The following MPRIP variants were observed in gnomAD, a reference collection of about 807,000 sequenced individuals.
The protein encoded by MPRIP is myosin phosphatase Rho interacting protein.
MPRIP carries 59 observed loss-of-function variants against 234.9 expected under a neutral mutation model. The ratio of observed to expected loss-of-function variants is 0.25; its 90% CI spans 0.20 to 0.31. The LOEUF (loss-of-function observed/expected upper bound fraction) is 0.31. MPRIP is among the 10% of genes least tolerant of loss of function. The probability of loss-of-function intolerance (pLI) is 1.00; values close to 1 mark genes in which losing one functional copy is unlikely to be tolerated. For synonymous variants in MPRIP, 1,144 were observed against 1,263.9 expected, an observed-to-expected ratio of 0.91 and a Z score of 2.01; for missense variants, 2,436 against 3,071.0, an observed-to-expected ratio of 0.79 and a Z score of 4.89.
At chr17:17,168,520 A>G in intron 16 of MPRIP, 1 of 310,196 alleles carries the variant, frequency 3.2e-6, no homozygotes, top group Non-Finnish European at 6.3e-6. Flanking sequence ...CAGGACCTTT[A>G]CAAGTAGATT....
At chr17:17,057,445 A>C (rs757359729) in intron 1 of MPRIP, among the ~76,000 whole-genome samples, 4 of 152,168 alleles carry the variant, frequency 2.6e-5, no homozygotes, top group Non-Finnish European at 5.9e-5. Flanking sequence ...GCTGTGGGGC[A>C]TGGGAGCTGA....
chr17:17,085,890 G>A (rs1207322087), intron 3 of MPRIP, among the ~76,000 whole-genome samples: 1 of 152,170 alleles, frequency 6.6e-6, no homozygotes, highest in East Asian at 1.9e-4. Context: ...TCCAGCCTGG[G>A]CAGCAGAGTG....
intron 3 of MPRIP, among the ~76,000 whole-genome samples, chr17:17,089,911 G>C (rs2089676000): frequency 6.6e-6 from 1 of 152,194 alleles, no homozygotes; most frequent in South Asian, 2.1e-4. Context: ...GGGCAGTGTG[G>C]AGCCTGGCAC....
intron 1 of MPRIP, among the ~76,000 whole-genome samples, chr17:17,074,589 A>G (rs1445290941): frequency 6.6e-6 from 1 of 152,204 alleles, no homozygotes; most frequent in Non-Finnish European, 1.5e-5. Context: ...TAATTCTAGA[A>G]TATTTTAGTC....
chr17:17,121,073 G>A (rs1032724074), intron 3 of MPRIP, among the ~76,000 whole-genome samples: 1 of 152,196 alleles, frequency 6.6e-6, no homozygotes, highest in African/African-American at 2.4e-5. Flanking sequence ...TTTGAATCCT[G>A]ACATGGCTAC....
chr17:17,187,062 C>T lies in MPRIP; in HGVS notation c.*2168C>T, dbSNP rs1323102185. The T allele has an allele frequency of 6.6e-6, 1 of 152,308 alleles. No homozygotes were observed. Among genetic ancestry groups the T allele is most frequent in the Non-Finnish European group, 1.5e-5 (1 of 68,120 alleles). The allele number at this position is 152,308 out of a possible 1,614,324, so 9.4% of individuals were successfully genotyped here. A position where few individuals can be genotyped will look rare whatever the true frequency, so the allele number is the denominator to read the frequency against. On this transcript the variant is annotated 3_prime_UTR_variant, in exon 24 of 24. Transcript: ENST00000651222. ...GCCCCTGGGGGTGGACCCCACTGGC[C>T]CTTCTGCAGACAGCTCCCTGCCTTC...
chr17:17,069,547 T>A (rs1218547070), intron 1 of MPRIP, among the ~76,000 whole-genome samples: 3 of 152,086 alleles, frequency 2.0e-5, no homozygotes, highest in Admixed American at 2.0e-4. Context: ...TATTTTGATT[T>A]ATATATCAAA....
In MPRIP at chr17:17,165,601, G is replaced by A; in HGVS notation, c.4010G>A (p.Gly1337Glu). ...TGCCAAAGATACATTCACCCCGAAG[G>A]GTCTGAGAAGACCTGGACCAGCAGC... is the stretch of plus-strand genomic sequence containing the variant. ...IQCQRYIHPE[G>E]SEKTWTSSTS... Residue 1337 changes from glycine to glutamate, a missense_variant, in exon 16 of 24, where the codon GGG (glycine) becomes GAG (glutamate). Gly to Glu is a moderately conservative substitution (Grantham distance 98). This residue lies in a region of MPRIP where 1,998 missense variants were observed against 2,520.3 expected (regional missense o/e 0.79). Coordinates refer to ENST00000651222, the MANE Select transcript of MPRIP (RefSeq NM_001364716.4). 7.7e-7 allele frequency: 1 copy of A among 1,304,848 alleles called. No individual in the cohort carries two copies. Among genetic ancestry groups the A allele is most frequent in the Non-Finnish European group, 1.0e-6 (1 of 989,060 alleles). 80.8% of individuals were successfully genotyped at this position (1,304,848 alleles called of 1,614,324 possible). A position where few individuals can be genotyped will look rare whatever the true frequency, so the allele number is the denominator to read the frequency against.
intron 5 of MPRIP, among the ~76,000 whole-genome samples, chr17:17,132,180 G>T (rs1302339504): frequency 6.6e-6 from 1 of 152,140 alleles, no homozygotes; most frequent in East Asian, 1.9e-4. Flanking sequence ...GCTGACTGGG[G>T]TGGTCCCTCA....
chr17:17,065,360 T>C (rs1356800772), intron 1 of MPRIP, among the ~76,000 whole-genome samples: 1 of 150,902 alleles, frequency 6.6e-6, no homozygotes, highest in Non-Finnish European at 1.5e-5. Flanking sequence ...ATAACACTAC[T>C]TTCTGTATCA....
rs1597495871 is a variant in MPRIP, at chr17:17,166,894, C to G, written c.5303C>G (p.Ser1768Cys). 1 of 1,304,092 alleles carries G rather than the reference C, an allele frequency of 7.7e-7. No homozygotes were observed. Among genetic ancestry groups the G allele is most frequent in the Non-Finnish European group, 1.0e-6 (1 of 988,976 alleles). 80.8% of individuals were successfully genotyped at this position (1,304,092 alleles called of 1,614,324 possible). A position where few individuals can be genotyped will look rare whatever the true frequency, so the allele number is the denominator to read the frequency against. ...AGCTCTCAGGAGCCCTTCGATGTGT[C>G]TGACCAGAGCCCTGGGGCCTTTGTT... The part of the protein sequence containing the change: ...SDSSQEPFDV[S>C]DQSPGAFVAI... Residue 1768 changes from serine to cysteine, a missense_variant, in exon 16 of 24, where the codon TCT becomes TGT. Physicochemically the swap from Ser to Cys is moderately radical, Grantham distance 112 (BLOSUM62 -1). This residue lies in a region of MPRIP where 1,998 missense variants were observed against 2,520.3 expected (regional missense o/e 0.79). Transcript: ENST00000651222. The surrounding 1 kb of genome is among the most constrained non-coding windows in gnomAD (Gnocchi z 4.4).
At position 17,167,647 on chromosome 17, in the gene MPRIP, C is replaced by T. The variant is rs180841878; in HGVS notation, c.6056C>T (p.Thr2019Ile). 294 of 1,304,272 alleles carry T rather than the reference C, an allele frequency of 2.3e-4. No homozygotes were observed. The African/African-American group carries it at 4.2e-3, about 19-fold the overall frequency. 80.8% of individuals were successfully genotyped at this position (1,304,272 alleles called of 1,614,324 possible). A position where few individuals can be genotyped will look rare whatever the true frequency, so the allele number is the denominator to read the frequency against. Residue 2019 changes from threonine to isoleucine, a missense_variant, in exon 16 of 24, where the codon ACC becomes ATC. By Grantham distance (89) the Thr-to-Ile change is moderately conservative (BLOSUM62 -1). Around this residue, in one of 4 missense-constraint regions of MPRIP, gnomAD observed 1,998 missense variants for 2,520.3 expected, o/e 0.79. Transcript: ENST00000651222. This position sits in a 1 kb window ranked among gnomAD's most constrained non-coding sequence, Gnocchi z 5.9. ...ACGATCCACGAGGAGGAGCTGAGGA[C>T]CCTGCAGGAGCACTACTCGCAGAGC... ...LQTIHEEELR[T>I]LQEHYSQSLR...
chr17:17,173,685 C>T (rs2046193000), intron 18 of MPRIP: 1 of 674,512 alleles, frequency 1.5e-6, no homozygotes, highest in African/African-American at 1.8e-5. Context: ...TGACTGGCAT[C>T]CCCAGAGAAG....
intron 1 of MPRIP, among the ~76,000 whole-genome samples, chr17:17,050,331 AAAAAG>A (rs1390493688): frequency 6.6e-6 from 1 of 150,662 alleles, no homozygotes; most frequent in Non-Finnish European, 1.5e-5. Context: ...AAAAAAAAAA[AAAAAG>A]AGGTGAAATT....
intron 9 of MPRIP, among the ~76,000 whole-genome samples, chr17:17,145,661 C>G (rs1449686605): frequency 6.6e-6 from 1 of 152,248 alleles, no homozygotes; most frequent in African/African-American, 2.4e-5. Context: ...TTTCAGCCTT[C>G]CCTGCAGATG....
At chr17:17,114,806 G>A (rs557214228) in intron 3 of MPRIP, among the ~76,000 whole-genome samples, 20 of 152,190 alleles carry the variant, frequency 1.3e-4, no homozygotes, top group African/African-American at 1.7e-4. Flanking sequence ...GCCATTTGGC[G>A]GGGGCCCTGG....
At chr17:17,171,643 G>T (rs2046137177) in intron 16 of MPRIP, 75 bp from the exon 17 acceptor site, 1 of 1,550,878 alleles carries the variant, frequency 6.4e-7, no homozygotes, top group Non-Finnish European at 8.7e-7. Context: ...TGGGATTCCT[G>T]GCTCCTTTAT....
rs767468425 is a variant in MPRIP at position 17,042,832 on chromosome 17, T to TCGC, written c.-10_-8dup. ...GCCTGCGCCGCCGCCGCCGCCGCCGTCGCCGCCGCGCCGACCATGTCGGCA... is the reference window on the plus strand; with the variant it reads ...GCCTGCGCCGCCGCCGCCGCCGCCGTCGCCGCCGCCGCGCCGACCATGTCGGCA... On this transcript the variant is annotated 5_prime_UTR_variant, in exon 1 of 24. Transcript: ENST00000651222. 9 of 1,459,204 alleles carry TCGC rather than the reference T, an allele frequency of 6.2e-6. No individual in the cohort carries two copies. The East Asian group carries it at 9.6e-5, about 16-fold the overall frequency. 90.4% of individuals were successfully genotyped at this position (1,459,204 alleles called of 1,614,324 possible). A position where few individuals can be genotyped will look rare whatever the true frequency, so the allele number is the denominator to read the frequency against.
chr17:17,145,989 C>T (rs1182744513), intron 9 of MPRIP, 47 bp from the exon 10 acceptor site: 1 of 1,573,702 alleles, frequency 6.4e-7, no homozygotes. Flanking sequence ...ACACTCATGA[C>T]ACTAGAAGAG....
Sources: gnomAD v4.1 joint callset for allele counts (sites outside exome capture counted in the v4.1 genomes callset) on GRCh38, gnomAD v4.1.1 for gene constraint, gnomAD v4.1.1 regional missense constraint, Gnocchi (gnomAD v3.1) non-coding constraint, MANE v1.5 for transcripts, NCBI Gene and HGNC (gene_info 2026-07-23, HGNC 2026-07-21) for gene names.